RPS20: variants seen among roughly 807,000 people sequenced by gnomAD.
RPS20 encodes the protein small ribosomal subunit protein uS10.
RPS20 carries 3 observed loss-of-function variants against 15.3 expected under a neutral mutation model. That is an observed-to-expected ratio of 0.20 (90% CI 0.09 to 0.51). The LOEUF (loss-of-function observed/expected upper bound fraction) is 0.51. Ranked by LOEUF, RPS20 falls within the 20% of genes least tolerant of loss-of-function variation. The pLI is 0.96. For missense variants in RPS20, 67 were observed against 145.9 expected (o/e 0.46, Z 2.79); for synonymous variants, 62 against 47.8 (o/e 1.30, Z -1.23).
At position 56,074,378 on chromosome 8, in the gene RPS20, C is replaced by T. The variant is rs879204249; in HGVS notation, c.3+3G>A. 5 of 1,559,806 alleles carry T rather than the reference C, an allele frequency of 3.2e-6. No homozygotes were observed. Among genetic ancestry groups the T allele is most frequent in the Non-Finnish European group, 4.3e-6 (5 of 1,158,394 alleles). ...CGCCGCCCGCCGCCGACTGCCGCCT[C>T]ACCATGGCTGTTGCGCGCGGGCTTC... On this transcript the variant is annotated splice_donor_region_variant and intron_variant, in intron 1 of 3. Transcript: ENST00000009589.
chr8:56,073,509 C>T (rs1228780521), intron 3 of RPS20, 186 bp downstream of exon 3: 2 of 650,534 alleles, frequency 3.1e-6, no homozygotes, highest in Non-Finnish European at 5.5e-6. Flanking sequence ...AACACAGCAA[C>T]AATAATTCAA....
chr8:56,074,441 G>A lies in RPS20; in HGVS notation c.-58C>T. ...TTCCTCGGCGAGAGCGAACAGCGGT[G>A]AGTCAGGAGCAGGAGCGTGCGGACC... On this transcript the variant is annotated 5_prime_UTR_variant, in exon 1 of 4. Transcript: ENST00000009589. 2.6e-6 allele frequency: 4 copies of A among 1,540,502 alleles called. No individual in the cohort carries two copies. Among genetic ancestry groups the A allele is most frequent in the East Asian group, 4.8e-5 (2 of 41,454 alleles).
downstream of RPS20, chr8:56,068,481 T>C (rs1809665887): frequency 1.4e-5 from 2 of 143,284 alleles, no homozygotes; most frequent in South Asian, 4.3e-4. Context: ...GAGGTTGCAG[T>C]GAGCTGAGAT....
At chr8:56,073,867 C>A in intron 2 of RPS20, 99 bp from the exon 3 acceptor site, 1 of 1,190,158 alleles carries the variant, frequency 8.4e-7, no homozygotes, top group Non-Finnish European at 1.3e-6. Flanking sequence ...AAATTATCAC[C>A]GTTACTCAAC....
chr8:56,073,614 G>A, intron 3 of RPS20, 81 bp downstream of exon 3: 3 of 1,158,182 alleles, frequency 2.6e-6, no homozygotes, highest in South Asian at 1.2e-5. Flanking sequence ...AACAATTTTG[G>A]CAGCCGAACT....
rs908975116 is a variant in RPS20, at chr8:56,074,438, G to A, written c.-55C>T. On this transcript the variant is annotated 5_prime_UTR_variant, in exon 1 of 4. Transcript: ENST00000009589. ...TTGTTCCTCGGCGAGAGCGAACAGCGGTGAGTCAGGAGCAGGAGCGTGCGG... is the reference window on the plus strand; with the variant it reads ...TTGTTCCTCGGCGAGAGCGAACAGCAGTGAGTCAGGAGCAGGAGCGTGCGG... 5 of 1,541,724 alleles carry A rather than the reference G, an allele frequency of 3.2e-6. No individual in the cohort carries two copies. The highest frequency in any genetic ancestry group is 4.4e-6 in the Non-Finnish European group (5 of 1,149,284).
At chr8:56,073,596 TCA>T (rs1809833198) in intron 3 of RPS20, 97 bp downstream of exon 3, 8 of 921,468 alleles carry the variant, frequency 8.7e-6, no homozygotes. Context: ...GTAGACAGCA[TCA>T]GTGTTAACAA....
intron 1 of RPS20, 35 bp downstream of exon 1, chr8:56,074,346 T>C: frequency 1.3e-6 from 2 of 1,549,398 alleles, no homozygotes; most frequent in Non-Finnish European, 1.7e-6. Context: ...GCCCGAGCCC[T>C]GCGTTGCGCC....
downstream of RPS20, among the ~76,000 whole-genome samples, chr8:56,069,455 C>T (rs1488019235): frequency 6.6e-6 from 1 of 152,048 alleles, no homozygotes; most frequent in Non-Finnish European, 1.5e-5. Flanking sequence ...CGTGCCACCA[C>T]ACCTGGCTAA....
At position 56,073,453 on chromosome 8, in the gene RPS20, C is replaced by G. The variant is rs77156325; in HGVS notation, c.178-181G>C. The G allele has an allele frequency of 0.014, 8,772 of 637,494 alleles. 579 individuals are homozygous for G. In the African/African-American group the frequency reaches 0.14, roughly 10 times the overall value. The allele number at this position is 637,494 out of a possible 1,614,324, so 39.5% of individuals were successfully genotyped here. ...CAGGTCTGTTTTCACTGTGCTAGGA[C>G]ACCACCCTTAGAGCTTGCGCCTGTT... On this transcript the variant is annotated intron_variant, in intron 3 of 3. Coordinates refer to ENST00000009589, the MANE Select transcript of RPS20 (RefSeq NM_001023.4).
downstream of RPS20, chr8:56,069,959 T>A: frequency 1.5e-6 from 1 of 665,470 alleles, no homozygotes; most frequent in Non-Finnish European, 2.7e-6. Flanking sequence ...TATTAGGTAT[T>A]ACAAGTAATC....
Position 56,073,190 on chromosome 8 carries a change from C to T in RPS20, c.260G>A (p.Arg87Gln), listed in dbSNP as rs748590989. 6.2e-7 allele frequency: 1 copy of T among 1,601,380 alleles called. No individual in the cohort carries two copies. The highest frequency in any genetic ancestry group is 1.1e-5 in the South Asian group (1 of 91,040). ...AGAAGGACTGTGCAAGTCAATGAGT[C>T]GCTTGTGAATTCTCATCTGGAAACG... ...WDRFQMRIHKRLIDLHSPSEI... is the reference protein window; with the variant it reads ...WDRFQMRIHKQLIDLHSPSEI... The change falls in exon 4 of 4, where the codon CGA becomes CAA. Residue 87 changes from arginine (R) to glutamine (Q), a missense_variant. Arg to Gln is a conservative substitution (Grantham distance 43). Transcript: ENST00000009589.
downstream of RPS20, among the ~76,000 whole-genome samples, chr8:56,068,807 C>CTTTTTTT (rs61576194): frequency 6.6e-3 from 182 of 27,696 alleles, 72 homozygotes; most frequent in Non-Finnish European, 9.5e-3. Context: ...GTGAAAATAT[C>CTTTTTTT]TTTTTTTTTT....
chr8:56,073,704 C>T lies in RPS20; in HGVS notation c.168G>A (p.Met56Ile), dbSNP rs749720684. 6.2e-7 allele frequency: 1 copy of T among 1,613,504 alleles called. No individual in the cohort carries two copies. The highest frequency in any genetic ancestry group is 2.2e-5 in the East Asian group (1 of 44,888). The part of the protein sequence containing the change: ...KNLKVKGPVR[M>I]PTKTLRITTR... ...CTCCGATTTACTTTACCTTGGTAGG[C>T]ATTCGAACTGGTCCTTTCACTTTGA... The change falls in exon 3 of 4, where the codon ATG becomes ATA. Residue 56 changes from methionine (M) to isoleucine (I), a missense_variant. Transcript: ENST00000009589.
At chr8:56,071,196 T>C (rs1809744681), downstream of RPS20, among the ~76,000 whole-genome samples, 1 of 152,214 alleles carries the variant, frequency 6.6e-6, no homozygotes, top group Non-Finnish European at 1.5e-5. Flanking sequence ...TTCCACTATT[T>C]TCTGATTTAC....
intron 1 of RPS20, 58 bp from the exon 2 acceptor site, chr8:56,074,217 G>T: frequency 1.3e-6 from 2 of 1,545,446 alleles, no homozygotes; most frequent in African/African-American, 1.4e-5. Flanking sequence ...CACTTCTGGA[G>T]AAAGGCAGCT....
Position 56,073,072 on chromosome 8 carries a change from T to C in RPS20, c.*18A>G. 6.3e-7 allele frequency: 1 copy of C among 1,586,734 alleles called. No individual in the cohort carries two copies. The highest frequency in any genetic ancestry group is 8.5e-7 in the Non-Finnish European group (1 of 1,173,884). ...ACAGAAGTTAACAACTGGTCATCAATTTATTAAAATAGTTGACTTAAGCAT... is the reference window on the plus strand; with the variant it reads ...ACAGAAGTTAACAACTGGTCATCAACTTATTAAAATAGTTGACTTAAGCAT... On this transcript the variant is annotated 3_prime_UTR_variant, in exon 4 of 4. Coordinates refer to ENST00000009589, the MANE Select transcript of RPS20 (RefSeq NM_001023.4).
chr8:56,073,913 G>C, intron 2 of RPS20, 145 bp from the exon 3 acceptor site: 1 of 1,098,788 alleles, frequency 9.1e-7, no homozygotes, highest in Non-Finnish European at 1.4e-6. Context: ...CTGTATGACA[G>C]TAAAAGCAAT....
At chr8:56,072,938 A>G, downstream of RPS20, 2 of 1,387,954 alleles carry the variant, frequency 1.4e-6, no homozygotes, top group South Asian at 1.8e-5. Flanking sequence ...AACGACAACG[A>G]AAACAGGATA....
Sources: allele counts gnomAD v4.1 joint callset (sites outside exome capture counted in the v4.1 genomes callset), GRCh38; gene constraint gnomAD v4.1.1; transcripts MANE v1.5; gene names NCBI Gene and HGNC (gene_info 2026-07-23, HGNC 2026-07-21).